The following PHF3 variants were observed in gnomAD, a reference collection of about 807,000 sequenced individuals.
PHF3 encodes the protein PHD finger protein 3.
A neutral mutation model predicts 178.4 loss-of-function variants in PHF3; 41 were observed. That is an observed-to-expected ratio of 0.23 (90% CI 0.18 to 0.30). PHF3 has a LOEUF of 0.30. PHF3 is among the 10% of genes least tolerant of loss of function. PHF3 has a pLI of 1.00. For missense variants in PHF3, 2,346 were observed against 2,398.1 expected, an observed-to-expected ratio of 0.98 and a Z score of 0.45; for synonymous variants, 842 against 800.5, an observed-to-expected ratio of 1.05 and a Z score of -0.88.
intron 8 of PHF3, among the ~76,000 whole-genome samples, chr6:63,699,737 C>T (rs1561976599): frequency 6.6e-6 from 1 of 152,030 alleles, no homozygotes; most frequent in Non-Finnish European, 1.5e-5. Flanking sequence ...ATTACAGGCA[C>T]ACGCCGCCAC....
rs972714918 is a variant in PHF3, at chr6:63,717,116, A to G, written c.*3408A>G. On this transcript the variant is annotated 3_prime_UTR_variant, in exon 16 of 16. Transcript: ENST00000262043. ...AATACATGTGAAAAATTTAAGAACA[A>G]TAACACCAGCAATAGAGAAGAAAAT... Among the ~76,000 whole-genome samples, 3 of 152,096 alleles carry G rather than the reference A, an allele frequency of 2.0e-5. No homozygotes were observed. Among genetic ancestry groups the G allele is most frequent in the East Asian group, 3.9e-4 (2 of 5,188 alleles).
chr6:63,697,158 T>C (rs1283319036), intron 6 of PHF3, among the ~76,000 whole-genome samples: 4 of 152,166 alleles, frequency 2.6e-5, no homozygotes, highest in Admixed American at 2.0e-4. Flanking sequence ...TCACTCCACA[T>C]GGAGGGAGGT....
intron 2 of PHF3, chr6:63,678,736 T>C: frequency 2.4e-6 from 1 of 421,232 alleles, no homozygotes; most frequent in Non-Finnish European, 4.7e-6. Flanking sequence ...ATGAGCAGTT[T>C]CATGATTCTG....
intron 2 of PHF3, among the ~76,000 whole-genome samples, chr6:63,656,553 G>A (rs1765242579): frequency 6.6e-6 from 1 of 151,538 alleles, no homozygotes; most frequent in Non-Finnish European, 1.5e-5. Context: ...CCTACTATTG[G>A]TCTATTGAAT....
Position 63,723,788 on chromosome 6 carries a change from CATTATTATTATTATTATTATTATTATT to C in PHF3, c.*10102_*10128del, listed in dbSNP as rs57873412. ...GTTATGGGTCATAAGTACACATTGG[CATTATTATTATTATTATTATTATTATT>C]ATTATTATTATTATTATTATTTTGA... On this transcript the variant is annotated 3_prime_UTR_variant, in exon 16 of 16. Transcript: ENST00000262043. Among the ~76,000 whole-genome samples the C allele has an allele frequency of 3.6e-4, 50 of 138,172 alleles. 2 individuals carry two copies. The highest frequency in any genetic ancestry group is 1.1e-3 in the African/African-American group (43 of 37,448). The allele number at this position is 138,172 out of a possible 152,430, so 90.6% of individuals were successfully genotyped here.
intron 3 of PHF3, among the ~76,000 whole-genome samples, chr6:63,681,644 T>C (rs1317976931): frequency 1.3e-5 from 2 of 152,284 alleles, no homozygotes; most frequent in African/African-American, 4.8e-5. Flanking sequence ...TCATGTTTCA[T>C]GGATGTAGTA....
chr6:63,651,513 C>A (rs1281712248), intron 2 of PHF3, among the ~76,000 whole-genome samples: 6 of 152,144 alleles, frequency 3.9e-5, no homozygotes, highest in African/African-American at 1.4e-4. Flanking sequence ...AGGGGCCTGC[C>A]ACCATGCCCA....
intron 13 of PHF3, 43 bp downstream of exon 13, chr6:63,706,919 G>A: frequency 6.4e-7 from 1 of 1,558,234 alleles, no homozygotes; most frequent in Admixed American, 1.8e-5. Context: ...AATTGATAAT[G>A]TGTGTTTCTG....
chr6:63,686,637 T>C (rs1766718761), intron 4 of PHF3, among the ~76,000 whole-genome samples: 1 of 152,220 alleles, frequency 6.6e-6, no homozygotes, highest in Admixed American at 6.5e-5. Context: ...TTTGTTAGCT[T>C]TTTAAGAAAA....
intron 11 of PHF3, among the ~76,000 whole-genome samples, chr6:63,705,490 A>C (rs1429071661): frequency 1.3e-5 from 2 of 152,232 alleles, no homozygotes; most frequent in Non-Finnish European, 2.9e-5. Context: ...TGTGAACTGC[A>C]CATGTGAAGG....
chr6:63,709,412 A>G (rs1418206749), intron 14 of PHF3, among the ~76,000 whole-genome samples, 172 bp downstream of exon 14: 1 of 151,354 alleles, frequency 6.6e-6, no homozygotes, highest in African/African-American at 2.4e-5. Context: ...GAGGCTGTCA[A>G]CAGTACAGCA....
chr6:63,675,484 T>C (rs1392917826), intron 2 of PHF3, among the ~76,000 whole-genome samples: 4 of 152,118 alleles, frequency 2.6e-5, no homozygotes. Flanking sequence ...AAAAACATAC[T>C]GGAGGTGCTT....
In PHF3 at chr6:63,725,421, A is replaced by G. The variant is rs1280863577; in HGVS notation, c.*11713A>G. 2.0e-5 allele frequency among the ~76,000 whole-genome samples: 3 copies of G among 152,118 alleles called. No homozygotes were observed. The highest frequency in any genetic ancestry group is 1.3e-4 in the Admixed American group (2 of 15,280). ...ATACCTTGATTTTCTGCCCTCTTAC[A>G]TAGGTCCCACTTAACATTAATTTTG... On this transcript the variant is annotated 3_prime_UTR_variant, in exon 16 of 16. Coordinates refer to ENST00000262043, the MANE Select transcript of PHF3 (RefSeq NM_001370348.2).
Position 63,717,173 on chromosome 6 carries a change from G to A in PHF3, c.*3465G>A, listed in dbSNP as rs1768216465. On this transcript the variant is annotated 3_prime_UTR_variant, in exon 16 of 16. Coordinates refer to ENST00000262043, the MANE Select transcript of PHF3 (RefSeq NM_001370348.2). Reference sequence around the variant, plus strand: ...AAAAGTGAAGCCACTCCATGTTAACGTGTGTGTTAACATAAAACTACCCGT... The same window carrying A: ...AAAAGTGAAGCCACTCCATGTTAACATGTGTGTTAACATAAAACTACCCGT... Among the ~76,000 whole-genome samples the A allele has an allele frequency of 6.6e-6, 1 of 151,602 alleles. No individual in the cohort carries two copies. Among genetic ancestry groups the A allele is most frequent in the South Asian group, 2.1e-4 (1 of 4,822 alleles).
At chr6:63,702,676 A>G (rs769249789) in intron 10 of PHF3, 37 bp downstream of exon 10, 1 of 1,555,478 alleles carries the variant, frequency 6.4e-7, no homozygotes, top group Non-Finnish European at 8.7e-7. Flanking sequence ...AGCTCAAAAC[A>G]TGAAGATTCA....
chr6:63,693,747 T>G (rs1416662703), intron 5 of PHF3, among the ~76,000 whole-genome samples: 1 of 152,214 alleles, frequency 6.6e-6, no homozygotes, highest in Admixed American at 6.5e-5. Flanking sequence ...GATCACTGCT[T>G]CCTTTTCTTT....
chr6:63,662,876 T>G (rs955441780), intron 2 of PHF3, among the ~76,000 whole-genome samples: 3 of 152,248 alleles, frequency 2.0e-5, no homozygotes, highest in African/African-American at 7.2e-5. Context: ...CTGCTAAAGC[T>G]AATTTTCTAT....
intron 2 of PHF3, among the ~76,000 whole-genome samples, chr6:63,652,945 A>AT (rs1205370345): frequency 1.3e-5 from 2 of 148,606 alleles, no homozygotes; most frequent in Non-Finnish European, 3.0e-5. Flanking sequence ...TTTGTAGTAT[A>AT]TTTTGAAGTC....
chr6:63,690,148 T>C (rs1033490997), intron 4 of PHF3, among the ~76,000 whole-genome samples: 1 of 152,178 alleles, frequency 6.6e-6, no homozygotes, highest in African/African-American at 2.4e-5. Flanking sequence ...CCATCAAAAA[T>C]CTCAAACCTG....
Sources: allele counts gnomAD v4.1 joint callset (sites outside exome capture counted in the v4.1 genomes callset), GRCh38; gene constraint gnomAD v4.1.1; transcripts MANE v1.5; gene names NCBI Gene and HGNC (gene_info 2026-07-23, HGNC 2026-07-21).